The following INPP4B variants were observed in gnomAD, a reference collection of about 807,000 sequenced individuals.
INPP4B encodes the protein inositol polyphosphate 4-phosphatase type II.
A neutral mutation model predicts 122.5 loss-of-function variants in INPP4B; 55 were observed. That is an observed-to-expected ratio of 0.45 (90% CI 0.36 to 0.56). The LOEUF is 0.56. INPP4B is among the 20% of genes least tolerant of loss of function. The pLI is 0.00. For synonymous variants in INPP4B, 403 were observed against 388.7 expected (o/e 1.04, Z -0.43); for missense variants, 1,000 against 1,097.7 (o/e 0.91, Z 1.26).
intron 25 of INPP4B, among the ~76,000 whole-genome samples, chr4:142,039,541 T>TAA (rs1746021851): frequency 6.6e-6 from 1 of 151,874 alleles, no homozygotes; most frequent in African/African-American, 2.4e-5. Flanking sequence ...GCCAGAATTA[T>TAA]AACTCAAGAA....
At chr4:142,798,096 A>C (rs1777511749) in intron 1 of INPP4B, among the ~76,000 whole-genome samples, 1 of 152,004 alleles carries the variant, frequency 6.6e-6, no homozygotes, top group African/African-American at 2.4e-5. Context: ...AATCAATATA[A>C]CAAAAATAAG....
chr4:142,835,585 A>C (rs1782684604), intron 1 of INPP4B, among the ~76,000 whole-genome samples: 1 of 152,242 alleles, frequency 6.6e-6, no homozygotes, highest in Admixed American at 6.5e-5. Flanking sequence ...ACTCTATTGT[A>C]ATGGGCCAAA....
intron 7 of INPP4B, among the ~76,000 whole-genome samples, chr4:142,376,797 T>C (rs1321702787): frequency 6.6e-6 from 1 of 152,026 alleles, no homozygotes; most frequent in East Asian, 1.9e-4. Flanking sequence ...TTCAATCTGA[T>C]TTTGAGCAAA....
Position 142,627,117 on chromosome 4 carries a change from C to T in INPP4B, c.-191+98722G>A, listed in dbSNP as rs867451722. Among the ~76,000 whole-genome samples the T allele has an allele frequency of 3.4e-4, 51 of 152,140 alleles. 1 individual carries two copies. Among genetic ancestry groups the T allele is most frequent in the Admixed American group, 3.1e-3 (47 of 15,258 alleles). On this transcript the variant is annotated intron_variant, in intron 2 of 25. Coordinates refer to ENST00000262992, the MANE Select transcript of INPP4B (RefSeq NM_001101669.3). ...ATGACACTCTCCAGTCTCAGTACCT[C>T]TGTGCAGTGTCAGTGCACTTCAGTC... is the stretch of plus-strand genomic sequence containing the variant.
chr4:142,553,925 T>C (rs1025042917), intron 2 of INPP4B, among the ~76,000 whole-genome samples: 1 of 152,148 alleles, frequency 6.6e-6, no homozygotes, highest in Admixed American at 6.6e-5. Context: ...GAGCGGTGGC[T>C]CACACCTGTA....
At chr4:142,199,840 T>C (rs752031124) in intron 14 of INPP4B, among the ~76,000 whole-genome samples, 41 of 152,020 alleles carry the variant, frequency 2.7e-4, no homozygotes, top group Non-Finnish European at 5.0e-4. Flanking sequence ...CGGTACTACT[T>C]TGAGGCTAAC....
intron 7 of INPP4B, among the ~76,000 whole-genome samples, chr4:142,364,914 C>T (rs1224438586): frequency 6.6e-6 from 1 of 152,014 alleles, no homozygotes; most frequent in African/African-American, 2.4e-5. Flanking sequence ...GTACCTTTTC[C>T]CTTTTCTTTC....
intron 7 of INPP4B, among the ~76,000 whole-genome samples, chr4:142,354,489 C>A (rs2151841254): frequency 6.6e-6 from 1 of 151,986 alleles, no homozygotes; most frequent in South Asian, 2.1e-4. Flanking sequence ...CTATCTTGGG[C>A]ATTTAAGGAA....
intron 21 of INPP4B, among the ~76,000 whole-genome samples, chr4:142,120,910 G>A (rs1460059892): frequency 2.6e-5 from 4 of 152,062 alleles, no homozygotes; most frequent in Non-Finnish European, 5.9e-5. Flanking sequence ...TTTGGAGAGA[G>A]GGTGTGCTAA....
At chr4:142,420,739 C>T (rs1453032108) in intron 5 of INPP4B, among the ~76,000 whole-genome samples, 2 of 151,860 alleles carry the variant, frequency 1.3e-5, no homozygotes, top group African/African-American at 2.4e-5. Context: ...GTCTGTGAAA[C>T]ATAGGTAATG....
At chr4:142,334,248 CATACATATACTTGTATGATACACACAA>C (rs1409519508) in intron 7 of INPP4B, among the ~76,000 whole-genome samples, 1 of 152,174 alleles carries the variant, frequency 6.6e-6, no homozygotes, top group Admixed American at 6.5e-5. Flanking sequence ...CATATACACA[CATACATATACTTGTATGATACACACAA>C]ATACATATAC....
chr4:142,380,163 T>C (rs1793562431), intron 7 of INPP4B, among the ~76,000 whole-genome samples: 1 of 152,196 alleles, frequency 6.6e-6, no homozygotes, highest in African/African-American at 2.4e-5. Flanking sequence ...AAACATGAAT[T>C]ACTTATCCTG....
intron 11 of INPP4B, among the ~76,000 whole-genome samples, chr4:142,241,434 A>G (rs1167284056): frequency 1.3e-5 from 2 of 152,194 alleles, no homozygotes; most frequent in Non-Finnish European, 2.9e-5. Context: ...ATGAACACAT[A>G]GAAGGAAAGT....
At chr4:142,499,979 TC>T (rs35740296) in intron 2 of INPP4B, among the ~76,000 whole-genome samples, 1 of 152,082 alleles carries the variant, frequency 6.6e-6, no homozygotes, top group African/African-American at 2.4e-5. Flanking sequence ...CCCTGCCTGG[TC>T]CCAGCCTTAG....
intron 2 of INPP4B, among the ~76,000 whole-genome samples, chr4:142,598,783 C>G (rs997002166): frequency 1.3e-5 from 2 of 152,172 alleles, no homozygotes; most frequent in East Asian, 1.9e-4. Context: ...TGTGAGCTGC[C>G]TCTGTGCTCA....
intron 15 of INPP4B, among the ~76,000 whole-genome samples, chr4:142,178,503 T>A (rs569426004): frequency 7.2e-5 from 11 of 152,300 alleles, no homozygotes; most frequent in African/African-American, 2.6e-4. Flanking sequence ...CAAGTGCACA[T>A]TGTGGGACTT....
chr4:142,709,643 C>G (rs1008602074), intron 2 of INPP4B, among the ~76,000 whole-genome samples: 2 of 152,192 alleles, frequency 1.3e-5, no homozygotes, highest in Non-Finnish European at 2.9e-5. Context: ...TTTCCTGAGG[C>G]CTCCCTGGCC....
At chr4:142,570,959 T>G (rs192240078) in intron 2 of INPP4B, among the ~76,000 whole-genome samples, 1 of 152,012 alleles carries the variant, frequency 6.6e-6, no homozygotes, top group East Asian at 1.9e-4. Flanking sequence ...ATAATTGCCT[T>G]GCTGTTTTTC....
intron 7 of INPP4B, among the ~76,000 whole-genome samples, chr4:142,358,113 C>T (rs1784217373): frequency 6.6e-6 from 1 of 151,884 alleles, no homozygotes; most frequent in Non-Finnish European, 1.5e-5. Context: ...TGTGAACATA[C>T]AATTTATCTA....
Sources: gnomAD v4.1 joint callset for allele counts (sites outside exome capture counted in the v4.1 genomes callset) on GRCh38, gnomAD v4.1.1 for gene constraint, MANE v1.5 for transcripts, NCBI Gene and HGNC (gene_info 2026-07-23, HGNC 2026-07-21) for gene names.